The following GABRA3 variants were observed in gnomAD, a reference collection of about 807,000 sequenced individuals.
The protein encoded by GABRA3 is gamma-aminobutyric acid receptor subunit alpha-3.
GABRA3 carries 10 observed loss-of-function variants against 30.1 expected under a neutral mutation model. The ratio of observed to expected loss-of-function variants is 0.33; its 90% CI spans 0.20 to 0.56. The LOEUF (loss-of-function observed/expected upper bound fraction) is 0.56. Ranked by LOEUF, GABRA3 falls within the 20% of genes least tolerant of loss-of-function variation. The probability of loss-of-function intolerance (pLI) is 0.89; values close to 1 mark genes in which losing one functional copy is unlikely to be tolerated. For synonymous variants in GABRA3, 151 were observed against 146.8 expected (o/e 1.03, Z -0.21); for missense variants, 233 against 392.0 (o/e 0.59, Z 3.42).
intron 4 of GABRA3, among the ~76,000 whole-genome samples, chrX:152,258,464 G>A (rs975154982): frequency 1.3e-4 from 14 of 111,451 alleles, no homozygotes; most frequent in African/African-American, 3.9e-4. Context: ...CGTGTATTAC[G>A]ATTCTAAATG....
intron 5 of GABRA3, among the ~76,000 whole-genome samples, chrX:152,241,070 C>G (rs762030341): frequency 9.1e-6 from 1 of 109,902 alleles, no homozygotes; most frequent in African/African-American, 3.3e-5. Flanking sequence ...GGAGAAGAGG[C>G]GCTCTGCGTT....
chrX:152,172,792 G>A (rs1937019362), intron 9 of GABRA3, among the ~76,000 whole-genome samples: 1 of 111,740 alleles, frequency 8.9e-6, no homozygotes. Context: ...GCTGGGGCTA[G>A]GGCAGAAAGG....
At chrX:152,251,619 C>G (rs149513799) in intron 5 of GABRA3, among the ~76,000 whole-genome samples, 1 of 110,276 alleles carries the variant, frequency 9.1e-6, no homozygotes, top group Non-Finnish European at 1.9e-5. Flanking sequence ...TCCACATCTC[C>G]TCCTCATTAT....
intron 1 of GABRA3, among the ~76,000 whole-genome samples, chrX:152,403,582 G>GT: frequency 9.2e-6 from 1 of 108,975 alleles, no homozygotes; most frequent in South Asian, 4.1e-4. Context: ...GTGTGTGTGT[G>GT]TGTGTGTGTG....
At chrX:152,383,632 C>G (rs1226175075) in intron 1 of GABRA3, among the ~76,000 whole-genome samples, 6 of 107,022 alleles carry the variant, frequency 5.6e-5, no homozygotes, top group Admixed American at 2.0e-4. Flanking sequence ...GGTAAAATCC[C>G]TACGATCATC....
chrX:152,248,170 AT>A (rs1463210687), intron 5 of GABRA3, among the ~76,000 whole-genome samples: 5 of 110,022 alleles, frequency 4.5e-5, no homozygotes, highest in African/African-American at 1.7e-4. Context: ...TAGTATTTCT[AT>A]TTATCTTCCA....
At chrX:152,368,701 C>CTTTTTTTTT (rs59912352) in intron 1 of GABRA3, among the ~76,000 whole-genome samples, 7 of 49,561 alleles carry the variant, frequency 1.4e-4, no homozygotes, top group African/African-American at 4.1e-4. Flanking sequence ...AATTTTTTTT[C>CTTTTTTTTT]TTTTTTTTTT....
intron 1 of GABRA3, among the ~76,000 whole-genome samples, chrX:152,406,847 T>C (rs1201064952): frequency 9.0e-6 from 1 of 111,199 alleles, no homozygotes; most frequent in East Asian, 2.8e-4. Flanking sequence ...ATAGACCATA[T>C]GTTAGGCCAC....
intron 7 of GABRA3, among the ~76,000 whole-genome samples, chrX:152,200,682 G>A (rs953881282): frequency 3.4e-4 from 38 of 110,940 alleles, no homozygotes; most frequent in Middle Eastern, 4.6e-3. Flanking sequence ...ATTTCCAAAC[G>A]CTACCTATTA....
chrX:152,415,771 C>T (rs560913561), intron 1 of GABRA3, among the ~76,000 whole-genome samples: 9 of 111,017 alleles, frequency 8.1e-5, no homozygotes, highest in Admixed American at 3.8e-4. Context: ...TTATTATTTG[C>T]GACTTCCCAT....
chrX:152,382,256 G>A (rs982280982), intron 1 of GABRA3, among the ~76,000 whole-genome samples: 5 of 112,088 alleles, frequency 4.5e-5, no homozygotes, highest in East Asian at 5.6e-4. Context: ...TCAGAATGGC[G>A]ATCATTAAAA....
chrX:152,356,627 T>G (rs1337092467), intron 2 of GABRA3, among the ~76,000 whole-genome samples: 1 of 111,576 alleles, frequency 9.0e-6, no homozygotes, highest in Non-Finnish European at 1.9e-5. Flanking sequence ...GGGATACATG[T>G]GCAGGTTTGT....
chrX:152,322,847 T>TG (rs1939988729), intron 3 of GABRA3, among the ~76,000 whole-genome samples: 2 of 69,690 alleles, frequency 2.9e-5, no homozygotes, highest in African/African-American at 6.2e-5. Flanking sequence ...GTCTACTCTT[T>TG]TTTTTTTTTT....
chrX:152,337,419 C>T (rs112154291), intron 3 of GABRA3, among the ~76,000 whole-genome samples: 5,459 of 111,402 alleles, frequency 0.049, 138 homozygotes, highest in East Asian at 0.13. Context: ...TCCATGGGAT[C>T]CACTATTTTA....
intron 3 of GABRA3, among the ~76,000 whole-genome samples, chrX:152,293,031 A>AT (rs1939451255): frequency 9.0e-6 from 1 of 111,181 alleles, no homozygotes; most frequent in Admixed American, 9.6e-5. Context: ...TATTCTGTTG[A>AT]TTTGGGGTGG....
intron 3 of GABRA3, among the ~76,000 whole-genome samples, chrX:152,328,096 T>G (rs1031569199): frequency 4.5e-5 from 5 of 111,614 alleles, no homozygotes; most frequent in African/African-American, 1.6e-4. Context: ...CTAGAAAATC[T>G]AGAAGAAATG....
chrX:152,277,658 A>G (rs1939112233), intron 4 of GABRA3, among the ~76,000 whole-genome samples: 1 of 111,974 alleles, frequency 8.9e-6, no homozygotes, highest in African/African-American at 3.2e-5. Flanking sequence ...GATCCCTTGT[A>G]TACGCTCCAA....
intron 5 of GABRA3, among the ~76,000 whole-genome samples, chrX:152,227,083 G>A (rs1195367183): frequency 8.2e-5 from 9 of 110,030 alleles, no homozygotes; most frequent in Non-Finnish European, 1.3e-4. Flanking sequence ...ACATGCACAC[G>A]TATGTTTATT....
Position 152,329,043 on chromosome X carries a change from C to T in GABRA3, c.262+16538G>A, listed in dbSNP as rs751158486. Among the ~76,000 whole-genome samples the T allele has an allele frequency of 3.1e-3, 344 of 111,786 alleles. 2 individuals are homozygous for T. The highest frequency in any genetic ancestry group is 0.011 in the African/African-American group (325 of 30,761). On this transcript the variant is annotated intron_variant, in intron 3 of 9. Transcript: ENST00000370314. ...CAATGTGCAACAATCACAGGCATTC[C>T]TATACACCAATAACGGACAGAGAGC...
Sources: allele counts gnomAD v4.1 joint callset (sites outside exome capture counted in the v4.1 genomes callset), GRCh38; gene constraint gnomAD v4.1.1; transcripts MANE v1.5; gene names NCBI Gene and HGNC (gene_info 2026-07-23, HGNC 2026-07-21).